Variants in CARMIL2 observed in about 807,000 individuals in gnomAD.
The protein encoded by CARMIL2 is capping protein regulator and myosin 1 linker 2.
In CARMIL2, 96 loss-of-function variants were observed where a neutral mutation model predicts 173.3. The observed-to-expected ratio is 0.55, with a 90% CI of 0.47 to 0.66. The LOEUF (loss-of-function observed/expected upper bound fraction) is 0.66, where lower values mean the gene tolerates loss of function less well. Ranked by LOEUF, CARMIL2 falls within the 30% of genes least tolerant of loss-of-function variation. The pLI is 0.00. For synonymous variants in CARMIL2, 830 were observed against 817.1 expected (o/e 1.02, Z -0.27); for missense variants, 1,771 against 1,906.7 (o/e 0.93, Z 1.33).
rs1379080964 is a variant in CARMIL2 at position 67,653,723 on chromosome 16, C to A, written c.3121-426C>A. 6.6e-6 allele frequency among the ~76,000 whole-genome samples: 1 copy of A among 152,056 alleles called. No individual in the cohort carries two copies. Among genetic ancestry groups the A allele is most frequent in the Non-Finnish European group, 1.5e-5 (1 of 67,968 alleles). ...CGGGGAGGAGCCGGCTTGAGGCCCC[C>A]CAGAGGGTCTGACGCAGCAGCCGGC... is the stretch of plus-strand genomic sequence containing the variant. On this transcript the variant is annotated intron_variant, in intron 29 of 37. Coordinates refer to ENST00000334583, the MANE Select transcript of CARMIL2 (RefSeq NM_001013838.3). The surrounding 1 kb of genome is among the most constrained non-coding windows in gnomAD (Gnocchi z 7.4).
At position 67,649,734 on chromosome 16, in the gene CARMIL2, G is replaced by C; in HGVS notation, c.1920-72G>C. On this transcript the variant is annotated intron_variant, in intron 20 of 37. Coordinates refer to ENST00000334583, the MANE Select transcript of CARMIL2 (RefSeq NM_001013838.3). This position sits in a 1 kb window ranked among gnomAD's most constrained non-coding sequence, Gnocchi z 6.7. Reference sequence around the variant, plus strand: ...AGCAAATGGAGCAGGCTGACGAGGCGAATGGACTAGGCCGAGGGTTGGGTG... The same window carrying C: ...AGCAAATGGAGCAGGCTGACGAGGCCAATGGACTAGGCCGAGGGTTGGGTG... 6.3e-7 allele frequency: 1 copy of C among 1,575,352 alleles called. No individual in the cohort carries two copies. Among genetic ancestry groups the C allele is most frequent in the East Asian group, 2.3e-5 (1 of 44,436 alleles).
chr16:67,649,299 GGAC>G lies in CARMIL2; in HGVS notation c.1740_1742del (p.Asp581del). 4 of 1,612,610 alleles carry G rather than the reference GGAC, an allele frequency of 2.5e-6. No homozygotes were observed. The highest frequency in any genetic ancestry group is 3.4e-6 in the Non-Finnish European group (4 of 1,179,678). On this transcript the variant is annotated inframe_deletion, in exon 19 of 38. Coordinates refer to ENST00000334583, the MANE Select transcript of CARMIL2 (RefSeq NM_001013838.3). The surrounding 1 kb of genome is among the most constrained non-coding windows in gnomAD (Gnocchi z 6.7). ...TGCACCGGATTGTCCAGCTCATGCA[GGAC>G]GACGATTGTGTGAGTTCACGGGACC...
chr16:67,647,468 A>C (rs2052616575), intron 10 of CARMIL2, 40 bp from the exon 11 acceptor site: 1 of 1,568,620 alleles, frequency 6.4e-7, no homozygotes. Context: ...GGGGTTGGCA[A>C]ACCAGGGGCA....
chr16:67,656,204 T>C, intron 33 of CARMIL2, 24 bp from the exon 34 acceptor site: 1 of 1,613,450 alleles, frequency 6.2e-7, no homozygotes, highest in South Asian at 1.1e-5. Flanking sequence ...GTCTGGTACC[T>C]GAGTCCCCAG....
Position 67,649,974 on chromosome 16 carries a change from C to G in CARMIL2, c.2082+6C>G, listed in dbSNP as rs376706340. ...CAGCACGTGCAGTCCATCAGGTGGG[C>G]GTCCCCCTCTTCCCTTGCCCTTCTC... On this transcript the variant is annotated splice_donor_region_variant and intron_variant, in intron 21 of 37. Transcript: ENST00000334583. The surrounding 1 kb of genome is among the most constrained non-coding windows in gnomAD (Gnocchi z 6.7). 2 of 1,613,258 alleles carry G rather than the reference C, an allele frequency of 1.2e-6. No individual in the cohort carries two copies. The highest frequency in any genetic ancestry group is 1.7e-5 in the Admixed American group (1 of 59,992).
In CARMIL2 at chr16:67,654,339, C is replaced by CCCGAGGAGGACCCGGCCA; in HGVS notation, c.3231_3248dup (p.Glu1079_Glu1084dup). 1 of 1,593,370 alleles carries CCCGAGGAGGACCCGGCCA rather than the reference C, an allele frequency of 6.3e-7. No homozygotes were observed. The highest frequency in any genetic ancestry group is 1.1e-5 in the South Asian group (1 of 87,956). Reference sequence around the variant, plus strand: ...TGCTGGGTGTCCCCACAGCTGGGCCCCCGAGGAGGACCCGGCCACTGAGGG... The same window carrying CCCGAGGAGGACCCGGCCA: ...TGCTGGGTGTCCCCACAGCTGGGCCCCCGAGGAGGACCCGGCCACCGAGGAGGACCCGGCCACTGAGGG... On this transcript the variant is annotated inframe_insertion, in exon 31 of 38. Coordinates refer to ENST00000334583, the MANE Select transcript of CARMIL2 (RefSeq NM_001013838.3).
rs2052649734 is a variant in CARMIL2, at chr16:67,648,665, CG to C, written c.1440-19del. The C allele has an allele frequency of 1.3e-6, 2 of 1,595,772 alleles. No individual in the cohort carries two copies. Among genetic ancestry groups the C allele is most frequent in the African/African-American group, 2.7e-5 (2 of 74,382 alleles). ...CCCCCTGTCCCAGCTCCCGCCACCCCGTGTAACGTCCTCTCCCAGAGCCCTT... is the reference window on the plus strand; with the variant it reads ...CCCCCTGTCCCAGCTCCCGCCACCCCTGTAACGTCCTCTCCCAGAGCCCTT... On this transcript the variant is annotated intron_variant, in intron 15 of 37. Transcript: ENST00000334583. This position sits in a 1 kb window ranked among gnomAD's most constrained non-coding sequence, Gnocchi z 6.1.
chr16:67,653,333 G>A lies in CARMIL2; in HGVS notation c.3120+79G>A, dbSNP rs2052766912. ...CCGGCCGCTCCTCATGGGTGGTAGC[G>A]GTCAAGGAGAGGGGGTGGTGGGGGC... is the stretch of plus-strand genomic sequence containing the variant. On this transcript the variant is annotated intron_variant, in intron 29 of 37. Coordinates refer to ENST00000334583, the MANE Select transcript of CARMIL2 (RefSeq NM_001013838.3). The surrounding 1 kb of genome is among the most constrained non-coding windows in gnomAD (Gnocchi z 7.4). 1 of 708,474 alleles carries A rather than the reference G, an allele frequency of 1.4e-6. No individual in the cohort carries two copies. Among genetic ancestry groups the A allele is most frequent in the Non-Finnish European group, 1.8e-6 (1 of 553,034 alleles). The allele number at this position is 708,474 out of a possible 1,614,324, so 43.9% of individuals were successfully genotyped here. A position where few individuals can be genotyped will look rare whatever the true frequency, so the allele number is the denominator to read the frequency against.
Position 67,646,698 on chromosome 16 carries a change from C to G in CARMIL2, c.467-16C>G, listed in dbSNP as rs745566433. The stretch of plus-strand genomic sequence containing the variant: ...TCTCTCTCCTTTTCCACATCGCACC[C>G]CTATCCCCTCCCCAGGTGGCTTCTT... On this transcript the variant is annotated splice_polypyrimidine_tract_variant and intron_variant, in intron 6 of 37. Transcript: ENST00000334583. The surrounding 1 kb of genome is among the most constrained non-coding windows in gnomAD (Gnocchi z 4.6). 6.2e-7 allele frequency: 1 copy of G among 1,613,676 alleles called. No individual in the cohort carries two copies. Among genetic ancestry groups the G allele is most frequent in the Non-Finnish European group, 8.5e-7 (1 of 1,179,620 alleles).
Position 67,652,613 on chromosome 16 carries a change from T to C in CARMIL2, c.2884+75T>C. 2.1e-6 allele frequency: 3 copies of C among 1,401,948 alleles called. No individual in the cohort carries two copies. The highest frequency in any genetic ancestry group is 3.0e-6 in the Non-Finnish European group (3 of 1,003,318). 86.8% of individuals were successfully genotyped at this position (1,401,948 alleles called of 1,614,324 possible). ...CATTAGACTTGGGGACCCGGGGACC[T>C]GGATGAACTCATTCAGCCTTGTCTG... On this transcript the variant is annotated intron_variant, in intron 28 of 37. Coordinates refer to ENST00000334583, the MANE Select transcript of CARMIL2 (RefSeq NM_001013838.3). The surrounding 1 kb of genome is among the most constrained non-coding windows in gnomAD (Gnocchi z 4.7).
At position 67,653,103 on chromosome 16, in the gene CARMIL2, G is replaced by GC; in HGVS notation, c.2970dup (p.Ser991LeufsTer94). ...CCGCAGGCGGGGCCGTCCGCGCGCG[G>GC]CTCTCCGAGCCCTGCCGCCCCTGGG... is the stretch of plus-strand genomic sequence containing the variant. On this transcript the variant is annotated frameshift_variant, in exon 29 of 38. Transcript: ENST00000334583. LOFTEE classifies it high-confidence loss of function. This position sits in a 1 kb window ranked among gnomAD's most constrained non-coding sequence, Gnocchi z 7.4. The GC allele has an allele frequency of 2.6e-6, 3 of 1,172,052 alleles. No homozygotes were observed. Among genetic ancestry groups the GC allele is most frequent in the Non-Finnish European group, 3.2e-6 (3 of 944,892 alleles). The allele number at this position is 1,172,052 out of a possible 1,614,324, so 72.6% of individuals were successfully genotyped here.
At position 67,648,230 on chromosome 16, in the gene CARMIL2, C is replaced by T. The variant is rs781351613; in HGVS notation, c.1250C>T (p.Pro417Leu). 4.4e-5 allele frequency: 71 copies of T among 1,603,328 alleles called. No homozygotes were observed. The highest frequency in any genetic ancestry group is 6.0e-5 in the Non-Finnish European group (71 of 1,176,250). ...GPPAGVANSL[P>L]PQLFAAVSRG... ...CCCGCGGGTGTAGCCAACAGCCTCC[C>T]CCCGCAGCTCTTCGCAGCGGTATCC... Residue 417 changes from proline (P) to leucine (L), a missense_variant, in exon 14 of 38, where the codon CCC becomes CTC. Coordinates refer to ENST00000334583, the MANE Select transcript of CARMIL2 (RefSeq NM_001013838.3). The surrounding 1 kb of genome is among the most constrained non-coding windows in gnomAD (Gnocchi z 6.1).
Position 67,647,587 on chromosome 16 carries a change from C to T in CARMIL2, c.856C>T (p.Leu286=), listed in dbSNP as rs2052619910. The T allele has an allele frequency of 6.2e-7, 1 of 1,610,798 alleles. No individual in the cohort carries two copies. Residue 286 remains leucine, a synonymous_variant, in exon 11 of 38, where the codon CTG becomes TTG. Transcript: ENST00000334583. The part of the protein sequence containing the change: ...GLRELSLAGN[L]LDDRGMTALS... ...GCGGGAGCTCAGCCTCGCGGGGAAC[C>T]TGCTGGATGACCGAGGTATGACTGA...
chr16:67,648,234 G>C lies in CARMIL2; in HGVS notation c.1254G>C (p.Pro418=), dbSNP rs1158053051. ...CGGGTGTAGCCAACAGCCTCCCCCC[G>C]CAGCTCTTCGCAGCGGTATCCCGAG... ...PPAGVANSLP[P]QLFAAVSRGC... Residue 418 remains proline (P), a synonymous_variant, in exon 14 of 38, where the codon CCG becomes CCC. Coordinates refer to ENST00000334583, the MANE Select transcript of CARMIL2 (RefSeq NM_001013838.3). This position sits in a 1 kb window ranked among gnomAD's most constrained non-coding sequence, Gnocchi z 6.1. 6.2e-7 allele frequency: 1 copy of C among 1,600,848 alleles called. No homozygotes were observed. Among genetic ancestry groups the C allele is most frequent in the East Asian group, 2.2e-5 (1 of 44,480 alleles).
Position 67,651,056 on chromosome 16 carries a change from G to C in CARMIL2, c.2185-131G>C. On this transcript the variant is annotated intron_variant, in intron 22 of 37. Transcript: ENST00000334583. The surrounding 1 kb of genome is among the most constrained non-coding windows in gnomAD (Gnocchi z 4.2). ...GTTCCTTCCCTCCTTGAACAGATAGGGTTCCAAAGTGGCTGGTCTAAGGGT... is the reference window on the plus strand; with the variant it reads ...GTTCCTTCCCTCCTTGAACAGATAGCGTTCCAAAGTGGCTGGTCTAAGGGT... 1 of 995,754 alleles carries C rather than the reference G, an allele frequency of 1.0e-6. No individual in the cohort carries two copies. Among genetic ancestry groups the C allele is most frequent in the Admixed American group, 2.8e-5 (1 of 36,286 alleles). 61.7% of individuals were successfully genotyped at this position (995,754 alleles called of 1,614,324 possible).
Position 67,647,843 on chromosome 16 carries a change from C to T in CARMIL2, c.959-3C>T, listed in dbSNP as rs757183916. 2 of 1,607,200 alleles carry T rather than the reference C, an allele frequency of 1.2e-6. No homozygotes were observed. The highest frequency in any genetic ancestry group is 1.7e-6 in the Non-Finnish European group (2 of 1,177,344). ...CTGCTGAGTGACCCCGACCCACCAC[C>T]AGGAATGAGGGCTCTGGGCCGGGCA... On this transcript the variant is annotated splice_polypyrimidine_tract_variant and splice_region_variant and intron_variant, in intron 12 of 37. Transcript: ENST00000334583.
At chr16:67,650,209 G>A (rs1024541274) in intron 22 of CARMIL2, 59 bp downstream of exon 22, 1 of 1,407,914 alleles carries the variant, frequency 7.1e-7, no homozygotes, top group Admixed American at 1.9e-5. Context: ...TGGCATCCGG[G>A]AGCCTCCATG....
rs952916011 is a variant in CARMIL2, at chr16:67,654,094, G to C, written c.3121-55G>C. 7.2e-5 allele frequency: 73 copies of C among 1,007,278 alleles called. 3 individuals are homozygous for C. In the East Asian group the frequency reaches 1.0e-3, roughly 14 times the overall value. The allele number at this position is 1,007,278 out of a possible 1,614,324, so 62.4% of individuals were successfully genotyped here. A position where few individuals can be genotyped will look rare whatever the true frequency, so the allele number is the denominator to read the frequency against. ...AGGCTGCCGGCCGGGGGGGGGGGGG[G>C]GTAGAAGCCAGAGTTGCACTCAACC... is the stretch of plus-strand genomic sequence containing the variant. On this transcript the variant is annotated intron_variant, in intron 29 of 37. Coordinates refer to ENST00000334583, the MANE Select transcript of CARMIL2 (RefSeq NM_001013838.3).
In CARMIL2 at chr16:67,651,541, C is replaced by A; in HGVS notation, c.2427+27C>A. 1 of 1,566,792 alleles carries A rather than the reference C, an allele frequency of 6.4e-7. No homozygotes were observed. The highest frequency in any genetic ancestry group is 1.9e-5 in the Admixed American group (1 of 54,050). On this transcript the variant is annotated intron_variant, in intron 24 of 37. Transcript: ENST00000334583. This position sits in a 1 kb window ranked among gnomAD's most constrained non-coding sequence, Gnocchi z 4.2. ...TGAGAGGGTACTCCTGCCCCAACCCCACCTCCGTTTGCAGGTTTGACTCCC... is the reference window on the plus strand; with the variant it reads ...TGAGAGGGTACTCCTGCCCCAACCCAACCTCCGTTTGCAGGTTTGACTCCC...
Sources: allele counts gnomAD v4.1 joint callset (sites outside exome capture counted in the v4.1 genomes callset), GRCh38; gene constraint gnomAD v4.1.1; non-coding constraint Gnocchi (gnomAD v3.1); transcripts MANE v1.5; gene names NCBI Gene and HGNC (gene_info 2026-07-23, HGNC 2026-07-21).